Variants in CPQ observed in about 807,000 individuals in gnomAD.
The protein encoded by CPQ is Ser-Met dipeptidase.
In CPQ, 37 loss-of-function variants were observed where a neutral mutation model predicts 45.7. The observed-to-expected ratio is 0.81, with a 90% confidence interval of 0.62 to 1.07. The LOEUF is 1.07. CPQ is among the 50% of genes least tolerant of loss of function. The pLI, the probability that CPQ is intolerant of heterozygous loss-of-function variation, is 0.00. For synonymous variants in CPQ, 186 were observed against 205.8 expected (o/e 0.90, Z 0.82); for missense variants, 537 against 572.9 (o/e 0.94, Z 0.64).
intron 1 of CPQ, among the ~76,000 whole-genome samples, chr8:96,774,285 AG>A (rs1200914812): frequency 2.7e-4 from 41 of 152,126 alleles, no homozygotes; most frequent in African/African-American, 9.4e-4. Flanking sequence ...AAAAAAAAAA[AG>A]TTTCAACATG....
intron 7 of CPQ, among the ~76,000 whole-genome samples, chr8:97,112,185 G>A (rs1276926069): frequency 1.4e-5 from 2 of 143,934 alleles, no homozygotes; most frequent in Non-Finnish European, 3.0e-5. Context: ...CTAAGACACT[G>A]TGGTAAGAAT....
intron 5 of CPQ, among the ~76,000 whole-genome samples, chr8:96,974,945 C>T (rs543704345): frequency 3.0e-4 from 45 of 152,006 alleles, no homozygotes; most frequent in African/African-American, 1.1e-3. Context: ...TAAGGTCATG[C>T]CTCATGGAGC....
chr8:97,094,474 T>C (rs559294424), intron 7 of CPQ, among the ~76,000 whole-genome samples: 17 of 152,280 alleles, frequency 1.1e-4, no homozygotes, highest in African/African-American at 4.1e-4. Context: ...CCAGGGCTGC[T>C]TGAGAAAGTC....
chr8:96,979,407 C>T (rs181813561), intron 5 of CPQ, among the ~76,000 whole-genome samples: 6 of 152,298 alleles, frequency 3.9e-5, no homozygotes, highest in African/African-American at 1.4e-4. Flanking sequence ...AGTTGCTTAG[C>T]AAATTTTATT....
intron 6 of CPQ, among the ~76,000 whole-genome samples, chr8:97,059,056 C>T (rs576233429): frequency 1.3e-5 from 2 of 152,130 alleles, no homozygotes; most frequent in South Asian, 2.1e-4. Flanking sequence ...ATGCAGGGTT[C>T]GTGTGTTTTT....
intron 1 of CPQ, among the ~76,000 whole-genome samples, chr8:96,737,293 C>T (rs1809996780): frequency 6.9e-6 from 1 of 144,642 alleles, no homozygotes; most frequent in Non-Finnish European, 1.5e-5. Context: ...TATATATACA[C>T]ATACAAAACT....
intron 1 of CPQ, among the ~76,000 whole-genome samples, chr8:96,779,300 T>C (rs1810656608): frequency 1.3e-5 from 2 of 152,086 alleles, no homozygotes; most frequent in African/African-American, 4.8e-5. Context: ...CTTTTATTCT[T>C]TTTTTTGTTC....
At chr8:97,003,515 A>G (rs1173473739) in intron 5 of CPQ, among the ~76,000 whole-genome samples, 2 of 152,186 alleles carry the variant, frequency 1.3e-5, no homozygotes, top group African/African-American at 2.4e-5. Flanking sequence ...CTTATTCTTC[A>G]GCTGTAATCA....
intron 1 of CPQ, among the ~76,000 whole-genome samples, chr8:96,659,801 G>C (rs996490099): frequency 2.3e-4 from 35 of 152,172 alleles, no homozygotes; most frequent in South Asian, 2.1e-4. Flanking sequence ...TTCAGAATTA[G>C]TAAGTCGCCA....
At chr8:96,908,106 A>ATG (rs1563526206) in intron 4 of CPQ, among the ~76,000 whole-genome samples, 1 of 75,278 alleles carries the variant, frequency 1.3e-5, no homozygotes, top group African/African-American at 5.5e-5. Flanking sequence ...CCCCACTGCA[A>ATG]CGTGTGTGTG....
intron 5 of CPQ, among the ~76,000 whole-genome samples, 195 bp downstream of exon 5, chr8:96,966,241 T>C (rs181417886): frequency 6.6e-6 from 1 of 152,338 alleles, no homozygotes; most frequent in East Asian, 1.9e-4. Flanking sequence ...ATCTAAAGTG[T>C]CAAATGTTAT....
At chr8:96,675,645 C>T (rs964568633) in intron 1 of CPQ, among the ~76,000 whole-genome samples, 1 of 151,972 alleles carries the variant, frequency 6.6e-6, no homozygotes, top group East Asian at 1.9e-4. Flanking sequence ...AGAAATTGTA[C>T]ACGCCCAGCA....
chr8:96,966,140 T>A, intron 5 of CPQ, 94 bp downstream of exon 5: 1 of 869,336 alleles, frequency 1.2e-6, no homozygotes, highest in Non-Finnish European at 1.8e-6. Flanking sequence ...GTTACTATGG[T>A]ATGTTCAAAG....
In CPQ at chr8:96,939,476, T is replaced by G. The variant is rs537837997; in HGVS notation, c.850-26459T>G. 7.2e-5 allele frequency among the ~76,000 whole-genome samples: 11 copies of G among 152,350 alleles called. 2 individuals carry two copies. The South Asian group carries it at 2.1e-3, about 29-fold the overall frequency. ...AATGCTAGTCTGAAGTTTTTTGTGTTAATTCTCTTATACTTTTTAAAAATA... is the reference window on the plus strand; with the variant it reads ...AATGCTAGTCTGAAGTTTTTTGTGTGAATTCTCTTATACTTTTTAAAAATA... On this transcript the variant is annotated intron_variant, in intron 4 of 7. Coordinates refer to ENST00000220763, the MANE Select transcript of CPQ (RefSeq NM_016134.4).
chr8:96,795,741 A>G (rs1048088303), intron 2 of CPQ, among the ~76,000 whole-genome samples: 1 of 152,056 alleles, frequency 6.6e-6, no homozygotes, highest in Non-Finnish European at 1.5e-5. Context: ...TTTAAATAGC[A>G]TGGGTATAAA....
chr8:96,749,738 T>G (rs978863975), intron 1 of CPQ, among the ~76,000 whole-genome samples: 2 of 152,110 alleles, frequency 1.3e-5, no homozygotes, highest in African/African-American at 4.8e-5. Context: ...AAAAGGCACT[T>G]TACACTGTTA....
chr8:97,138,857 G>T (rs994699473), intron 7 of CPQ, among the ~76,000 whole-genome samples: 2 of 151,874 alleles, frequency 1.3e-5, no homozygotes, highest in Non-Finnish European at 2.9e-5. Context: ...TCCACTGACA[G>T]AATTGAAATA....
At chr8:96,951,529 T>G (rs1813265215) in intron 4 of CPQ, among the ~76,000 whole-genome samples, 1 of 152,098 alleles carries the variant, frequency 6.6e-6, no homozygotes, top group Admixed American at 6.6e-5. Flanking sequence ...ACTCCAGAGT[T>G]TTTTAGAGAG....
chr8:96,754,007 A>G (rs1364502909), intron 1 of CPQ, among the ~76,000 whole-genome samples: 19 of 151,954 alleles, frequency 1.3e-4, no homozygotes, highest in Admixed American at 1.2e-3. Flanking sequence ...TAGTGATGCA[A>G]TGTGTTATAT....
Sources: gnomAD v4.1 joint callset for allele counts (sites outside exome capture counted in the v4.1 genomes callset) on GRCh38, gnomAD v4.1.1 for gene constraint, MANE v1.5 for transcripts, NCBI Gene and HGNC (gene_info 2026-07-23, HGNC 2026-07-21) for gene names.